SDK1: variants seen among roughly 807,000 people sequenced by gnomAD.
The protein encoded by SDK1 is protein sidekick-1.
In SDK1, 157 loss-of-function variants were observed where a neutral mutation model predicts 245.5. The observed-to-expected ratio is 0.64, with a 90% CI of 0.56 to 0.73. The LOEUF is 0.73. Ranked by LOEUF, SDK1 falls within the 30% of genes least tolerant of loss-of-function variation. The probability of loss-of-function intolerance (pLI) is 0.00; values close to 1 mark genes in which losing one functional copy is unlikely to be tolerated. For missense variants in SDK1, 3,583 were observed against 3,002.3 expected (o/e 1.19, Z -4.52); for synonymous variants, 1,647 against 1,278.5 (o/e 1.29, Z -6.15).
chr7:3,582,567 T>C (rs944784952), intron 1 of SDK1, among the ~76,000 whole-genome samples: 1 of 150,566 alleles, frequency 6.6e-6, no homozygotes, highest in Non-Finnish European at 1.5e-5. Context: ...GATAAGAAAA[T>C]TAACTATTGG....
rs1280921052 is a variant in SDK1, at chr7:4,139,623, GTGTATATGTA to G, written c.4229-6097_4229-6088del. 2.5e-3 allele frequency among the ~76,000 whole-genome samples: 160 copies of G among 65,100 alleles called. 7 individuals carry two copies. The highest frequency in any genetic ancestry group is 6.1e-3 in the African/African-American group (134 of 21,946). The allele number at this position is 65,100 out of a possible 152,430, so 42.7% of individuals were successfully genotyped here. ...TATATATGTGTGTGTATATGTGTGT[GTGTATATGTA>G]TATATGTGTGTGTATATGTGTGTGT... On this transcript the variant is annotated intron_variant, in intron 28 of 44. Coordinates refer to ENST00000404826, the MANE Select transcript of SDK1 (RefSeq NM_152744.4).
At chr7:3,984,122 G>T (rs1032971478) in intron 13 of SDK1, among the ~76,000 whole-genome samples, 2 of 152,178 alleles carry the variant, frequency 1.3e-5, no homozygotes, top group African/African-American at 4.8e-5. Context: ...CTTCTCATCT[G>T]TTGCTTGTGG....
chr7:3,951,409 C>G (rs966255318), intron 6 of SDK1, among the ~76,000 whole-genome samples: 2 of 152,188 alleles, frequency 1.3e-5, no homozygotes, highest in African/African-American at 4.8e-5. Flanking sequence ...CGGATGATCC[C>G]GCCTTCCATG....
At chr7:3,354,467 G>C (rs531510642) in intron 1 of SDK1, among the ~76,000 whole-genome samples, 1 of 152,262 alleles carries the variant, frequency 6.6e-6, no homozygotes, top group South Asian at 2.1e-4. Context: ...GATTATTCGA[G>C]AGTTTTCCGT....
At chr7:3,778,811 C>A (rs760949670) in intron 4 of SDK1, among the ~76,000 whole-genome samples, 3 of 152,130 alleles carry the variant, frequency 2.0e-5, no homozygotes, top group Non-Finnish European at 2.9e-5. Context: ...CCTGCAGGGT[C>A]GATTTCAAAG....
chr7:4,148,351 C>T (rs1175460496), intron 29 of SDK1, among the ~76,000 whole-genome samples: 1 of 152,264 alleles, frequency 6.6e-6, no homozygotes, highest in African/African-American at 2.4e-5. Flanking sequence ...CGCCGCGGAA[C>T]TTCTCTGCTG....
chr7:3,966,413 G>A (rs896241109), intron 9 of SDK1, among the ~76,000 whole-genome samples: 4 of 152,120 alleles, frequency 2.6e-5, no homozygotes, highest in South Asian at 2.1e-4. Context: ...CCGGTTAATC[G>A]TTATTGGGTA....
intron 4 of SDK1, among the ~76,000 whole-genome samples, chr7:3,762,106 A>G (rs1398462134): frequency 2.6e-5 from 4 of 152,254 alleles, no homozygotes; most frequent in African/African-American, 9.6e-5. Flanking sequence ...TGAATGATTC[A>G]GGAATGAGCA....
chr7:3,350,437 C>T (rs1431987312), intron 1 of SDK1, among the ~76,000 whole-genome samples: 1 of 152,054 alleles, frequency 6.6e-6, no homozygotes, highest in Non-Finnish European at 1.5e-5. Flanking sequence ...ATTATCTGCT[C>T]CCCAGTGTAG....
chr7:3,331,508 A>G (rs1368315997), intron 1 of SDK1, among the ~76,000 whole-genome samples: 2 of 152,182 alleles, frequency 1.3e-5, no homozygotes, highest in Non-Finnish European at 2.9e-5. Flanking sequence ...CTGAGTTGTA[A>G]TAATTCTTTT....
intron 1 of SDK1, among the ~76,000 whole-genome samples, chr7:3,354,443 TC>T (rs1291945133): frequency 6.6e-6 from 1 of 152,246 alleles, no homozygotes; most frequent in Non-Finnish European, 1.5e-5. Flanking sequence ...AAATAGTTTT[TC>T]ATTGGTTCCA....
chr7:3,805,707 A>G (rs1474806687), intron 4 of SDK1, among the ~76,000 whole-genome samples: 3 of 152,200 alleles, frequency 2.0e-5, no homozygotes, highest in Admixed American at 6.5e-5. Flanking sequence ...TTAGTGAACA[A>G]ATGTATGAAA....
rs1197531169 is a variant in SDK1, at chr7:3,624,756, A to G, written c.458+5517A>G. Reference sequence around the variant, plus strand: ...AGACCATTATATTTATAAAAAATATATGATCAAGGCCAGGCATGGTGGCTC... The same window carrying G: ...AGACCATTATATTTATAAAAAATATGTGATCAAGGCCAGGCATGGTGGCTC... On this transcript the variant is annotated intron_variant, in intron 2 of 44. Transcript: ENST00000404826. Among the ~76,000 whole-genome samples the G allele has an allele frequency of 2.6e-5, 4 of 152,104 alleles. No homozygotes were observed. The East Asian group carries it at 7.7e-4, about 29-fold the overall frequency.
chr7:4,100,811 G>A (rs1381428515), intron 22 of SDK1, among the ~76,000 whole-genome samples: 3 of 152,174 alleles, frequency 2.0e-5, no homozygotes, highest in Admixed American at 1.3e-4. Context: ...AGGGAGGCTG[G>A]ACCGCTCGGC....
chr7:3,464,429 G>A lies in SDK1; in HGVS notation c.299-154651G>A, dbSNP rs113048827. Among the ~76,000 whole-genome samples, 339 of 152,264 alleles carry A rather than the reference G, an allele frequency of 2.2e-3. 1 individual carries two copies. Among genetic ancestry groups the A allele is most frequent in the African/African-American group, 7.7e-3 (321 of 41,546 alleles). On this transcript the variant is annotated intron_variant, in intron 1 of 44. Coordinates refer to ENST00000404826, the MANE Select transcript of SDK1 (RefSeq NM_152744.4). ...CCAGCTACACAGGAGACTGAGGTGG[G>A]AGGATCATTTGAGCCGAAGGGCTCA...
At chr7:3,874,527 C>G (rs903416196) in intron 5 of SDK1, among the ~76,000 whole-genome samples, 2 of 152,152 alleles carry the variant, frequency 1.3e-5, no homozygotes, top group Non-Finnish European at 2.9e-5. Flanking sequence ...AGTGTTCCTG[C>G]TCCTTCCCTA....
intron 4 of SDK1, among the ~76,000 whole-genome samples, chr7:3,755,428 G>C (rs898995705): frequency 1.3e-5 from 2 of 152,172 alleles, no homozygotes; most frequent in Non-Finnish European, 2.9e-5. Flanking sequence ...GCCATTGTCT[G>C]TCTGCATAGT....
chr7:3,809,098 G>A (rs1365462360), intron 4 of SDK1, among the ~76,000 whole-genome samples: 1 of 152,136 alleles, frequency 6.6e-6, no homozygotes, highest in Non-Finnish European at 1.5e-5. Flanking sequence ...GGCTGTACAG[G>A]AAGCATGGTG....
chr7:3,668,388 C>G (rs1377580630), intron 4 of SDK1, among the ~76,000 whole-genome samples: 2 of 152,192 alleles, frequency 1.3e-5, no homozygotes, highest in African/African-American at 4.8e-5. Context: ...CAGTTCCTTT[C>G]TACATGGACC....
Sources: allele counts gnomAD v4.1 joint callset (sites outside exome capture counted in the v4.1 genomes callset), GRCh38; gene constraint gnomAD v4.1.1; transcripts MANE v1.5; gene names NCBI Gene and HGNC (gene_info 2026-07-23, HGNC 2026-07-21).